Variants in DOCK3 observed in about 807,000 individuals in gnomAD.
The protein encoded by DOCK3 is dedicator of cytokinesis protein 3.
In DOCK3, 60 loss-of-function variants were observed where a neutral mutation model predicts 265.6. That is an observed-to-expected ratio of 0.23 (90% CI 0.18 to 0.28). The LOEUF (loss-of-function observed/expected upper bound fraction) is 0.28, where lower values mean the gene tolerates loss of function less well. Ranked by LOEUF, DOCK3 falls within the 10% of genes least tolerant of loss-of-function variation. The pLI, the probability that DOCK3 is intolerant of heterozygous loss-of-function variation, is 1.00. For missense variants in DOCK3, 1,981 were observed against 2,594.3 expected (o/e 0.76, Z 5.14); for synonymous variants, 881 against 938.0 (o/e 0.94, Z 1.11).
intron 9 of DOCK3, among the ~76,000 whole-genome samples, chr3:51,142,196 T>C (rs543735645): frequency 8.9e-4 from 136 of 152,298 alleles, no homozygotes; most frequent in African/African-American, 2.5e-3. Flanking sequence ...TCCCATTAGA[T>C]ATAAATTTTC....
intron 6 of DOCK3, among the ~76,000 whole-genome samples, chr3:51,066,787 G>A (rs529925074): frequency 1.3e-4 from 20 of 152,244 alleles, no homozygotes; most frequent in East Asian, 1.2e-3. Flanking sequence ...CACTAAATTC[G>A]TTGTTTGTGA....
At chr3:50,761,152 A>T (rs534076898) in intron 1 of DOCK3, among the ~76,000 whole-genome samples, 144 of 152,048 alleles carry the variant, frequency 9.5e-4, no homozygotes, top group African/African-American at 3.4e-3. Flanking sequence ...ATCATTTTTT[A>T]AAAATTTAGC....
chr3:51,169,890 G>A (rs994702205), intron 12 of DOCK3, among the ~76,000 whole-genome samples: 1 of 152,106 alleles, frequency 6.6e-6, no homozygotes, highest in Non-Finnish European at 1.5e-5. Flanking sequence ...TCCTTTCAGT[G>A]TGTTATTGGA....
intron 12 of DOCK3, among the ~76,000 whole-genome samples, chr3:51,205,437 G>A (rs992531842): frequency 2.0e-5 from 3 of 151,690 alleles, no homozygotes; most frequent in African/African-American, 7.3e-5. Context: ...GCTCATGACT[G>A]TGATCTTAGC....
At chr3:50,771,295 A>G (rs1386137146) in intron 1 of DOCK3, among the ~76,000 whole-genome samples, 8 of 152,240 alleles carry the variant, frequency 5.3e-5, no homozygotes, top group Non-Finnish European at 1.0e-4. Context: ...AAAAGATTTG[A>G]GCAGACATTT....
At chr3:51,008,743 T>G (rs543871744) in intron 5 of DOCK3, among the ~76,000 whole-genome samples, 2 of 152,344 alleles carry the variant, frequency 1.3e-5, no homozygotes, top group South Asian at 4.1e-4. Flanking sequence ...AGTATGATAT[T>G]GGCTGTGGGT....
At chr3:50,792,566 T>C (rs1400978724) in intron 2 of DOCK3, among the ~76,000 whole-genome samples, 6 of 152,210 alleles carry the variant, frequency 3.9e-5, no homozygotes, top group Admixed American at 3.9e-4. Flanking sequence ...CTTTATAGAT[T>C]GGTTATGACG....
At chr3:51,300,483 T>C (rs1226270321) in intron 27 of DOCK3, among the ~76,000 whole-genome samples, 1 of 152,222 alleles carries the variant, frequency 6.6e-6, no homozygotes, top group African/African-American at 2.4e-5. Flanking sequence ...TGTGCCGGTT[T>C]TCAAGGGGAA....
At chr3:51,206,591 A>C (rs1393522321) in intron 12 of DOCK3, among the ~76,000 whole-genome samples, 1 of 152,198 alleles carries the variant, frequency 6.6e-6, no homozygotes, top group African/African-American at 2.4e-5. Context: ...CGGGGAAAGA[A>C]AGGCAAGAAA....
intron 4 of DOCK3, among the ~76,000 whole-genome samples, chr3:50,927,207 C>T (rs2108095583): frequency 6.6e-6 from 1 of 152,248 alleles, no homozygotes; most frequent in East Asian, 1.9e-4. Flanking sequence ...CATACCTTGA[C>T]TACAGTATTT....
At chr3:50,744,515 G>A (rs931432793) in intron 1 of DOCK3, among the ~76,000 whole-genome samples, 2 of 151,174 alleles carry the variant, frequency 1.3e-5, no homozygotes, top group African/African-American at 2.4e-5. Flanking sequence ...GCTCACTGCA[G>A]CCTCAACATC....
At chr3:50,825,298 T>C (rs2044693628) in intron 2 of DOCK3, among the ~76,000 whole-genome samples, 1 of 152,032 alleles carries the variant, frequency 6.6e-6, no homozygotes, top group South Asian at 2.1e-4. Flanking sequence ...ATTGAAAGAG[T>C]GGAAACTGTC....
intron 2 of DOCK3, among the ~76,000 whole-genome samples, chr3:50,782,452 G>C (rs1039683567): frequency 1.3e-5 from 2 of 150,880 alleles, no homozygotes; most frequent in African/African-American, 4.9e-5. Flanking sequence ...TACCACGCCC[G>C]GCTAATTTTT....
At chr3:51,125,159 TAA>T (rs977587361) in intron 9 of DOCK3, among the ~76,000 whole-genome samples, 3 of 152,060 alleles carry the variant, frequency 2.0e-5, no homozygotes, top group African/African-American at 4.8e-5. Context: ...TTTTTTATAT[TAA>T]GAGAGAGTAA....
In DOCK3 at chr3:50,759,823, A is replaced by G. The variant is rs562956808; in HGVS notation, c.38-18852A>G. ...CAATAAGCTGTAATCATGCCACTGC[A>G]CTCCAGCCTGGGTGACCGAGTGAGA... On this transcript the variant is annotated intron_variant, in intron 1 of 52. Transcript: ENST00000266037. Among the ~76,000 whole-genome samples the G allele has an allele frequency of 8.7e-5, 13 of 149,482 alleles. No homozygotes were observed. The South Asian group carries it at 2.8e-3, about 32-fold the overall frequency.
At chr3:51,212,805 T>A (rs751277735) in intron 13 of DOCK3, among the ~76,000 whole-genome samples, 3 of 152,174 alleles carry the variant, frequency 2.0e-5, no homozygotes, top group Non-Finnish European at 4.4e-5. Flanking sequence ...GAATACTGTA[T>A]GTTTGCCTTT....
chr3:51,372,220 C>G (rs1251500374), intron 49 of DOCK3, among the ~76,000 whole-genome samples: 2 of 152,218 alleles, frequency 1.3e-5, no homozygotes, highest in South Asian at 2.1e-4. Flanking sequence ...TTCGTTGACA[C>G]TGGGGTTTAC....
At chr3:51,362,130 C>T in intron 48 of DOCK3, 133 bp downstream of exon 48, 1 of 1,199,436 alleles carries the variant, frequency 8.3e-7, no homozygotes. Context: ...CACCCCTCAC[C>T]AGAGCTAGAA....
intron 3 of DOCK3, among the ~76,000 whole-genome samples, chr3:50,864,995 T>C (rs1292135960): frequency 6.6e-6 from 1 of 152,006 alleles, no homozygotes; most frequent in Non-Finnish European, 1.5e-5. Flanking sequence ...GTTTTCTCTT[T>C]AATTTTTAAT....
Sources: gnomAD v4.1 joint callset for allele counts (sites outside exome capture counted in the v4.1 genomes callset) on GRCh38, gnomAD v4.1.1 for gene constraint, MANE v1.5 for transcripts, NCBI Gene and HGNC (gene_info 2026-07-23, HGNC 2026-07-21) for gene names.